Variants in NKAIN2 observed in about 807,000 individuals in gnomAD.
NKAIN2 encodes sodium/potassium transporting ATPase interacting 2.
NKAIN2 carries 14 observed loss-of-function variants against 32.6 expected under a neutral mutation model. The ratio of observed to expected loss-of-function variants is 0.43; its 90% CI spans 0.28 to 0.67. The LOEUF (loss-of-function observed/expected upper bound fraction) is 0.67, where lower values mean the gene tolerates loss of function less well. Among genes scored for constraint, NKAIN2 ranks in the 30% least tolerant of loss-of-function variants. The pLI, the probability that NKAIN2 is intolerant of heterozygous loss-of-function variation, is 0.17. For missense variants in NKAIN2, 198 were observed against 258.3 expected, an observed-to-expected ratio of 0.77 and a Z score of 1.60; for synonymous variants, 80 against 87.2, an observed-to-expected ratio of 0.92 and a Z score of 0.46.
At chr6:123,817,578 C>T (rs1250409232) in intron 1 of NKAIN2, among the ~76,000 whole-genome samples, 3 of 152,118 alleles carry the variant, frequency 2.0e-5, no homozygotes, top group South Asian at 2.1e-4. Context: ...TCCCGAGGCC[C>T]GTGTCAGAAT....
chr6:124,799,856 G>A (rs1398107638), intron 5 of NKAIN2, among the ~76,000 whole-genome samples: 1 of 152,168 alleles, frequency 6.6e-6, no homozygotes, highest in East Asian at 1.9e-4. Context: ...TTCCAGTGGT[G>A]CAGACCCCCA....
chr6:124,219,570 G>T lies in NKAIN2; in HGVS notation c.55-63435G>T, dbSNP rs57875498. ...TGGGATTACAACTGTGAGCCACCACGCCCGGCCAACACTTATTGAATACGA... is the reference window on the plus strand; with the variant it reads ...TGGGATTACAACTGTGAGCCACCACTCCCGGCCAACACTTATTGAATACGA... On this transcript the variant is annotated intron_variant, in intron 1 of 6. Transcript: ENST00000368417. Among the ~76,000 whole-genome samples, 619 of 152,050 alleles carry T rather than the reference G, an allele frequency of 4.1e-3. 6 individuals are homozygous for T. Among genetic ancestry groups the T allele is most frequent in the African/African-American group, 0.014 (570 of 41,502 alleles).
intron 1 of NKAIN2, among the ~76,000 whole-genome samples, chr6:124,243,312 T>G (rs1009846491): frequency 6.6e-6 from 1 of 151,906 alleles, no homozygotes; most frequent in Admixed American, 6.6e-5. Context: ...CTGTCCAACC[T>G]AAGAAAACTC....
intron 1 of NKAIN2, among the ~76,000 whole-genome samples, chr6:124,093,743 G>C (rs536361886): frequency 6.6e-6 from 1 of 152,146 alleles, no homozygotes; most frequent in African/African-American, 2.4e-5. Context: ...CTAAAGAATA[G>C]GGACTTACAA....
At chr6:124,371,058 T>C (rs1799738852) in intron 3 of NKAIN2, among the ~76,000 whole-genome samples, 1 of 152,156 alleles carries the variant, frequency 6.6e-6, no homozygotes, top group African/African-American at 2.4e-5. Flanking sequence ...CCAATTCTTC[T>C]TGTCTGTTTC....
chr6:123,984,516 T>G (rs1366118020), intron 1 of NKAIN2, among the ~76,000 whole-genome samples: 2 of 152,066 alleles, frequency 1.3e-5, no homozygotes, highest in Non-Finnish European at 2.9e-5. Context: ...TACTGTAATA[T>G]CAAAAAGAAA....
At chr6:124,716,775 T>A (rs1043710648) in intron 4 of NKAIN2, among the ~76,000 whole-genome samples, 2 of 151,962 alleles carry the variant, frequency 1.3e-5, no homozygotes, top group African/African-American at 4.8e-5. Flanking sequence ...TGTGCTTATG[T>A]CATCTAACAT....
intron 4 of NKAIN2, among the ~76,000 whole-genome samples, chr6:124,724,779 C>T (rs1373046643): frequency 6.6e-6 from 1 of 152,192 alleles, no homozygotes; most frequent in Non-Finnish European, 1.5e-5. Context: ...ACTCTAAATG[C>T]ATAAATGAAT....
intron 2 of NKAIN2, among the ~76,000 whole-genome samples, chr6:124,344,107 G>A (rs1279358327): frequency 1.3e-5 from 2 of 152,012 alleles, no homozygotes; most frequent in Non-Finnish European, 1.5e-5. Context: ...CCCATTGCTT[G>A]TTTTTCTCAG....
chr6:124,692,901 G>T (rs1433343173), intron 4 of NKAIN2, among the ~76,000 whole-genome samples: 1 of 152,134 alleles, frequency 6.6e-6, no homozygotes, highest in Non-Finnish European at 1.5e-5. Flanking sequence ...CTATGCATTT[G>T]ATACAGGAAA....
chr6:123,824,229 C>G (rs1257518499), intron 1 of NKAIN2, among the ~76,000 whole-genome samples: 1 of 152,066 alleles, frequency 6.6e-6, no homozygotes. Context: ...CTCACAAAGT[C>G]CATGCACTAA....
chr6:124,411,319 C>T (rs1774168645), intron 3 of NKAIN2, among the ~76,000 whole-genome samples: 1 of 151,892 alleles, frequency 6.6e-6, no homozygotes, highest in African/African-American at 2.4e-5. Context: ...GTGGCTGGTA[C>T]CGGTTGTTCC....
chr6:124,056,631 C>T (rs1782667076), intron 1 of NKAIN2, among the ~76,000 whole-genome samples: 1 of 151,984 alleles, frequency 6.6e-6, no homozygotes. Context: ...TCTTCTAAGA[C>T]ATTAATGGCT....
intron 1 of NKAIN2, among the ~76,000 whole-genome samples, chr6:124,029,541 C>T (rs1027985338): frequency 6.6e-6 from 1 of 152,084 alleles, no homozygotes; most frequent in Non-Finnish European, 1.5e-5. Context: ...TTATTGGTAC[C>T]TACTGTGTGC....
At chr6:124,596,319 G>A (rs77805236) in intron 3 of NKAIN2, among the ~76,000 whole-genome samples, 12,079 of 152,168 alleles carry the variant, frequency 0.079, 578 homozygotes, top group South Asian at 0.17. Flanking sequence ...CCAGAGTGTG[G>A]ATAAGATCCA....
chr6:124,791,939 G>T (rs1326484251), intron 5 of NKAIN2, among the ~76,000 whole-genome samples: 1 of 152,040 alleles, frequency 6.6e-6, no homozygotes, highest in African/African-American at 2.4e-5. Flanking sequence ...CTCTAACTAT[G>T]TCAAAGTCTC....
chr6:123,935,962 A>T (rs1036059861), intron 1 of NKAIN2, among the ~76,000 whole-genome samples: 12 of 152,168 alleles, frequency 7.9e-5, no homozygotes, highest in Non-Finnish European at 1.6e-4. Context: ...AAGAATAAAA[A>T]GAAATGCATC....
chr6:124,164,948 T>C (rs1420917181), intron 1 of NKAIN2, among the ~76,000 whole-genome samples: 1 of 152,116 alleles, frequency 6.6e-6, no homozygotes, highest in East Asian at 1.9e-4. Flanking sequence ...TTTAGAGCCA[T>C]AACTTGATTG....
At chr6:123,902,910 C>A (rs1774673590) in intron 1 of NKAIN2, among the ~76,000 whole-genome samples, 1 of 152,166 alleles carries the variant, frequency 6.6e-6, no homozygotes, top group African/African-American at 2.4e-5. Flanking sequence ...TTCACCATGA[C>A]TTAAAAATAT....
Sources: gnomAD v4.1 joint callset for allele counts (sites outside exome capture counted in the v4.1 genomes callset) on GRCh38, gnomAD v4.1.1 for gene constraint, MANE v1.5 for transcripts, NCBI Gene and HGNC (gene_info 2026-07-23, HGNC 2026-07-21) for gene names.